INPP4A: variants seen among roughly 807,000 people sequenced by gnomAD.
INPP4A encodes inositol polyphosphate-4-phosphatase type I A, also known as inositol polyphosphate-4-phosphatase, type I, 107kD.
A neutral mutation model predicts 119.8 loss-of-function variants in INPP4A; 33 were observed. That is an observed-to-expected ratio of 0.28 (90% CI 0.21 to 0.37). The LOEUF is 0.37. Among genes scored for constraint, INPP4A ranks in the 10% least tolerant of loss-of-function variants. The pLI is 1.00. For synonymous variants in INPP4A, 496 were observed against 500.7 expected (o/e 0.99, Z 0.12); for missense variants, 956 against 1,289.9 (o/e 0.74, Z 3.97).
At chr2:98,530,821 CTA>C (rs1689078647) in intron 4 of INPP4A, among the ~76,000 whole-genome samples, 1 of 152,162 alleles carries the variant, frequency 6.6e-6, no homozygotes, top group African/African-American at 2.4e-5. Context: ...CTGTTATTGA[CTA>C]TATGTCTTAG....
chr2:98,497,520 T>G (rs997519012), intron 1 of INPP4A, among the ~76,000 whole-genome samples: 1 of 152,222 alleles, frequency 6.6e-6, no homozygotes, highest in African/African-American at 2.4e-5. Flanking sequence ...GGAGGGGGAC[T>G]ATACCCTGCT....
At position 98,570,281 on chromosome 2, in the gene INPP4A, C is replaced by T. The variant is rs952760463; in HGVS notation, c.2518+1613C>T. On this transcript the variant is annotated intron_variant, in intron 22 of 24. Coordinates refer to ENST00000409851, the MANE Select transcript of INPP4A (RefSeq NM_001134225.2). The surrounding 1 kb of genome is among the most constrained non-coding windows in gnomAD (Gnocchi z 4.3). ...TGGTTGAGGCCACTGAGTGACAAGACGAGAAGGGGCTGGAACAGCATCTGG... is the reference window on the plus strand; with the variant it reads ...TGGTTGAGGCCACTGAGTGACAAGATGAGAAGGGGCTGGAACAGCATCTGG... Among the ~76,000 whole-genome samples the T allele has an allele frequency of 6.6e-6, 1 of 152,148 alleles. No individual in the cohort carries two copies. Among genetic ancestry groups the T allele is most frequent in the South Asian group, 2.1e-4 (1 of 4,832 alleles).
chr2:98,534,593 C>A (rs1689866363), intron 5 of INPP4A, among the ~76,000 whole-genome samples: 1 of 152,158 alleles, frequency 6.6e-6, no homozygotes, highest in Admixed American at 6.5e-5. Context: ...AAATGTGTGA[C>A]CACAGGGAAG....
At chr2:98,553,111 C>T (rs1191627004) in intron 14 of INPP4A, 142 bp downstream of exon 14, 17 of 688,266 alleles carry the variant, frequency 2.5e-5, no homozygotes, top group Non-Finnish European at 3.2e-5. Context: ...AGGTCCATTT[C>T]GCACAAAGGC....
At chr2:98,465,696 T>G (rs962502645) in intron 1 of INPP4A, among the ~76,000 whole-genome samples, 8 of 152,180 alleles carry the variant, frequency 5.3e-5, no homozygotes, top group African/African-American at 1.9e-4. Flanking sequence ...GGGGTCATTT[T>G]GTCATGTTGC....
At chr2:98,446,282 ACTTT>A (rs1032214877) in intron 1 of INPP4A, among the ~76,000 whole-genome samples, 3 of 152,228 alleles carry the variant, frequency 2.0e-5, no homozygotes, top group African/African-American at 7.2e-5. Flanking sequence ...TGAAAAACAC[ACTTT>A]CTTTAACGGA....
intron 9 of INPP4A, among the ~76,000 whole-genome samples, 154 bp downstream of exon 9, chr2:98,539,135 A>G (rs533664472): frequency 6.6e-6 from 1 of 152,322 alleles, no homozygotes; most frequent in African/African-American, 2.4e-5. Flanking sequence ...TTTGCAGCAT[A>G]TAAAGAGTTA....
chr2:98,550,756 A>G (rs757870680), intron 13 of INPP4A, among the ~76,000 whole-genome samples: 5 of 152,212 alleles, frequency 3.3e-5, no homozygotes, highest in Non-Finnish European at 7.3e-5. Flanking sequence ...TATCCCATGC[A>G]TAAGTCCCAG....
At chr2:98,498,003 G>A (rs1228282180) in intron 1 of INPP4A, among the ~76,000 whole-genome samples, 4 of 152,206 alleles carry the variant, frequency 2.6e-5, no homozygotes, top group East Asian at 1.9e-4. Context: ...CAGAAGGGAC[G>A]TGCCTTGTCT....
In INPP4A at chr2:98,546,462, G is replaced by C. The variant is rs901841286; in HGVS notation, c.1055-124G>C. 1 of 659,080 alleles carries C rather than the reference G, an allele frequency of 1.5e-6. No individual in the cohort carries two copies. Among genetic ancestry groups the C allele is most frequent in the Non-Finnish European group, 2.7e-6 (1 of 377,294 alleles). 40.8% of individuals were successfully genotyped at this position (659,080 alleles called of 1,614,324 possible). A position where few individuals can be genotyped will look rare whatever the true frequency, so the allele number is the denominator to read the frequency against. Reference sequence around the variant, plus strand: ...GGCAGCCAGGGCTGTGGGATCAGGGGAACCAAAGGCTGTACAGCAGTGGGC... The same window carrying C: ...GGCAGCCAGGGCTGTGGGATCAGGGCAACCAAAGGCTGTACAGCAGTGGGC... On this transcript the variant is annotated intron_variant, in intron 12 of 24. Transcript: ENST00000409851. This position sits in a 1 kb window ranked among gnomAD's most constrained non-coding sequence, Gnocchi z 4.2.
rs538550853 is a variant in INPP4A, at chr2:98,591,808, A to G, written c.*4200A>G. 6.6e-6 allele frequency: 1 copy of G among 152,332 alleles called. No individual in the cohort carries two copies. Among genetic ancestry groups the G allele is most frequent in the African/African-American group, 2.4e-5 (1 of 41,570 alleles). The allele number at this position is 152,332 out of a possible 1,614,324, so 9.4% of individuals were successfully genotyped here. On this transcript the variant is annotated 3_prime_UTR_variant, in exon 25 of 25. Transcript: ENST00000409851. The stretch of plus-strand genomic sequence containing the variant: ...AGGTTACTTCATTGTACATTGTTCT[A>G]CTGCATAACCTCCCTCTATTCTTTA...
At position 98,533,405 on chromosome 2, in the gene INPP4A, A is replaced by T. The variant is rs748046064; in HGVS notation, c.180A>T (p.Leu60=). ...GCAGTGAGCTGCATACTCCATCGCT[A>T]GATCGAAAGCCAAATAGTTTTGTTG... ...LACSELHTPS[L]DRKPNSFVAV... Residue 60 remains leucine (L), a synonymous_variant, in exon 5 of 25, where the codon CTA becomes CTT. Transcript: ENST00000409851. 1.9e-6 allele frequency: 3 copies of T among 1,613,306 alleles called. No homozygotes were observed. The highest frequency in any genetic ancestry group is 2.5e-6 in the Non-Finnish European group (3 of 1,179,614).
chr2:98,564,925 C>A (rs952957323), intron 19 of INPP4A, among the ~76,000 whole-genome samples, 162 bp downstream of exon 19: 1 of 152,270 alleles, frequency 6.6e-6, no homozygotes, highest in Non-Finnish European at 1.5e-5. Flanking sequence ...TACACACGCA[C>A]ACGCCTTGGT....
chr2:98,455,202 G>T (rs1002862269), intron 1 of INPP4A, among the ~76,000 whole-genome samples: 1 of 152,116 alleles, frequency 6.6e-6, no homozygotes, highest in South Asian at 2.1e-4. Context: ...GCCAGGTATA[G>T]TAGTGCACAC....
chr2:98,465,317 G>C (rs1406551162), intron 1 of INPP4A, among the ~76,000 whole-genome samples: 1 of 152,080 alleles, frequency 6.6e-6, no homozygotes, highest in Admixed American at 6.5e-5. Flanking sequence ...TCTTCTCTCC[G>C]TGACTCCGCT....
intron 10 of INPP4A, among the ~76,000 whole-genome samples, chr2:98,540,393 T>C (rs1691189303): frequency 6.6e-6 from 1 of 152,216 alleles, no homozygotes; most frequent in African/African-American, 2.4e-5. Context: ...TGTGGTCCCA[T>C]AAGGGTCTTA....
At chr2:98,522,193 A>G (rs1268966688) in intron 4 of INPP4A, among the ~76,000 whole-genome samples, 2 of 151,644 alleles carry the variant, frequency 1.3e-5, no homozygotes, top group Admixed American at 6.6e-5. Context: ...AGGCTGAAGC[A>G]GGGGAATCGC....
chr2:98,544,589 G>C (rs1304987662), intron 11 of INPP4A, among the ~76,000 whole-genome samples: 1 of 152,114 alleles, frequency 6.6e-6, no homozygotes, highest in Non-Finnish European at 1.5e-5. Context: ...ACACTCTCAG[G>C]GCAGATTTGG....
chr2:98,530,562 A>G (rs1689034080), intron 4 of INPP4A, among the ~76,000 whole-genome samples: 1 of 152,196 alleles, frequency 6.6e-6, no homozygotes, highest in Non-Finnish European at 1.5e-5. Flanking sequence ...TCTGAAAGTA[A>G]ATGAAAATAT....
Sources: gnomAD v4.1 joint callset for allele counts (sites outside exome capture counted in the v4.1 genomes callset) on GRCh38, gnomAD v4.1.1 for gene constraint, Gnocchi (gnomAD v3.1) non-coding constraint, MANE v1.5 for transcripts, NCBI Gene and HGNC (gene_info 2026-07-23, HGNC 2026-07-21) for gene names.